Variants in MPDZ observed in about 807,000 individuals in gnomAD.
MPDZ encodes the protein multiple PDZ domain protein.
A neutral mutation model predicts 239.1 loss-of-function variants in MPDZ; 234 were observed. The observed-to-expected ratio is 0.98, with a 90% CI of 0.88 to 1.09. MPDZ has a LOEUF of 1.09. Among genes scored for constraint, MPDZ ranks in the 50% least tolerant of loss-of-function variants. The pLI, the probability that MPDZ is intolerant of heterozygous loss-of-function variation, is 0.00. For missense variants in MPDZ, 3,175 were observed against 2,510.0 expected, an observed-to-expected ratio of 1.26 and a Z score of -5.66; for synonymous variants, 1,048 against 881.3, an observed-to-expected ratio of 1.19 and a Z score of -3.35.
intron 10 of MPDZ, 32 bp from the exon 11 acceptor site, chr9:13,206,131 A>C (rs756234518): frequency 5.9e-6 from 9 of 1,536,086 alleles, no homozygotes; most frequent in Non-Finnish European, 7.9e-6. Context: ...AGCATGTTAC[A>C]TGTTAAATAA....
At chr9:13,255,033 C>G (rs1316257881) in intron 1 of MPDZ, among the ~76,000 whole-genome samples, 1 of 152,132 alleles carries the variant, frequency 6.6e-6, no homozygotes, top group Non-Finnish European at 1.5e-5. Context: ...ACAATAGAAC[C>G]TCTCAAATCC....
chr9:13,210,687 A>G (rs1957517207), intron 10 of MPDZ, among the ~76,000 whole-genome samples: 3 of 152,054 alleles, frequency 2.0e-5, no homozygotes, highest in Non-Finnish European at 4.4e-5. Context: ...TCATTTTGAA[A>G]CCTACTACAG....
chr9:13,203,075 T>C (rs1956580902), intron 12 of MPDZ, among the ~76,000 whole-genome samples: 1 of 152,174 alleles, frequency 6.6e-6, no homozygotes, highest in African/African-American at 2.4e-5. Flanking sequence ...GATATGCTAA[T>C]TACTCTGATC....
chr9:13,117,249 G>C (rs959650714), intron 39 of MPDZ, among the ~76,000 whole-genome samples: 1 of 152,098 alleles, frequency 6.6e-6, no homozygotes, highest in African/African-American at 2.4e-5. Flanking sequence ...AGCGACTACT[G>C]TATATATTTT....
rs565354726 is a variant in MPDZ, at chr9:13,185,130, A to G, written c.2481+1140T>C. On this transcript the variant is annotated intron_variant, in intron 18 of 46. Transcript: ENST00000319217. ...TGTAATTCGTTGTATATACTAAGCT[A>G]TCTAGTTTTGAAGTGCTAACATAAT... Among the ~76,000 whole-genome samples, 9 of 152,188 alleles carry G rather than the reference A, an allele frequency of 5.9e-5. No individual in the cohort carries two copies. In the South Asian group the frequency reaches 1.9e-3, roughly 31 times the overall value.
At position 13,235,823 on chromosome 9, in the gene MPDZ, A is replaced by G. The variant is rs923388649; in HGVS notation, c.184-11240T>C. ...AAGTTAAACTGTGAACTATAAAATT[A>G]AAGACAGAAAGCAAAGAACACTTAA... On this transcript the variant is annotated intron_variant, in intron 3 of 46. Transcript: ENST00000319217. Among the ~76,000 whole-genome samples, 3 of 152,174 alleles carry G rather than the reference A, an allele frequency of 2.0e-5. No homozygotes were observed. The East Asian group carries it at 5.8e-4, about 29-fold the overall frequency.
chr9:13,175,645 A>G, intron 21 of MPDZ, 107 bp downstream of exon 21: 1 of 1,162,180 alleles, frequency 8.6e-7, no homozygotes, highest in South Asian at 1.5e-5. Context: ...AATTTCTACC[A>G]TCTGTTCTCT....
intron 8 of MPDZ, among the ~76,000 whole-genome samples, chr9:13,218,052 G>A (rs907147612): frequency 2.0e-5 from 3 of 151,798 alleles, no homozygotes; most frequent in African/African-American, 7.2e-5. Flanking sequence ...AGAACCTTAA[G>A]AAGAGCACAA....
At chr9:13,273,656 T>A (rs938389197) in intron 1 of MPDZ, among the ~76,000 whole-genome samples, 2 of 152,202 alleles carry the variant, frequency 1.3e-5, no homozygotes, top group Admixed American at 6.5e-5. Context: ...GCCACATATG[T>A]AATTTTGTCT....
chr9:13,181,972 G>C (rs2134440661), intron 19 of MPDZ, among the ~76,000 whole-genome samples: 1 of 152,184 alleles, frequency 6.6e-6, no homozygotes, highest in Middle Eastern at 3.4e-3. Flanking sequence ...GAGAGGAGCA[G>C]CTGCTCCACT....
At chr9:13,254,234 T>C (rs551245782) in intron 1 of MPDZ, among the ~76,000 whole-genome samples, 48 of 152,198 alleles carry the variant, frequency 3.2e-4, no homozygotes, top group Non-Finnish European at 5.3e-4. Context: ...GTCAGAATTA[T>C]GTATATTAGA....
rs142888830 is a variant in MPDZ, at chr9:13,238,663, A to C, written c.183+8972T>G. 4.8e-3 allele frequency among the ~76,000 whole-genome samples: 732 copies of C among 151,842 alleles called. 4 individuals carry two copies. The highest frequency in any genetic ancestry group is 0.016 in the African/African-American group (649 of 41,394). On this transcript the variant is annotated intron_variant, in intron 3 of 46. Coordinates refer to ENST00000319217, the MANE Select transcript of MPDZ (RefSeq NM_001378778.1). ...AACAGTGCAACTAAACTTTAAGAAAACTCCACAAATTTTGATGCACTATCA... is the reference window on the plus strand; with the variant it reads ...AACAGTGCAACTAAACTTTAAGAAACCTCCACAAATTTTGATGCACTATCA...
intron 43 of MPDZ, 146 bp from the exon 44 acceptor site, chr9:13,110,886 AT>A: frequency 1.8e-6 from 1 of 547,410 alleles, no homozygotes; most frequent in Non-Finnish European, 3.2e-6. Flanking sequence ...GAAACCACTA[AT>A]TCCAAGAAGT....
chr9:13,205,592 T>C (rs551182669), intron 11 of MPDZ, among the ~76,000 whole-genome samples: 8 of 152,216 alleles, frequency 5.3e-5, no homozygotes, highest in East Asian at 1.9e-4. Context: ...AGTGAGAACA[T>C]TGCAATGACA....
chr9:13,156,197 C>T (rs1052989624), intron 24 of MPDZ, among the ~76,000 whole-genome samples: 2 of 152,090 alleles, frequency 1.3e-5, no homozygotes, highest in Non-Finnish European at 2.9e-5. Context: ...TATTATTAAC[C>T]TCATTTTACA....
intron 3 of MPDZ, among the ~76,000 whole-genome samples, chr9:13,235,304 T>C (rs1005930168): frequency 6.6e-6 from 1 of 152,168 alleles, no homozygotes; most frequent in Non-Finnish European, 1.5e-5. Context: ...AGCAATAAGT[T>C]ATAAGAAGGG....
At chr9:13,235,629 A>C (rs913304015) in intron 3 of MPDZ, among the ~76,000 whole-genome samples, 9 of 152,188 alleles carry the variant, frequency 5.9e-5, no homozygotes, top group African/African-American at 2.2e-4. Context: ...GTAGCCTTTG[A>C]CTATCATTTG....
chr9:13,266,197 CT>C (rs1971753125), intron 1 of MPDZ, among the ~76,000 whole-genome samples: 1 of 152,224 alleles, frequency 6.6e-6, no homozygotes, highest in Non-Finnish European at 1.5e-5. Flanking sequence ...CATGATTTCC[CT>C]TTGCTGAATG....
chr9:13,253,792 A>G (rs1968721980), intron 1 of MPDZ, among the ~76,000 whole-genome samples: 1 of 152,248 alleles, frequency 6.6e-6, no homozygotes, highest in Non-Finnish European at 1.5e-5. Context: ...GGTAAGAAGG[A>G]GTTCAGCACT....
Sources: allele counts gnomAD v4.1 joint callset (sites outside exome capture counted in the v4.1 genomes callset), GRCh38; gene constraint gnomAD v4.1.1; transcripts MANE v1.5; gene names NCBI Gene and HGNC (gene_info 2026-07-23, HGNC 2026-07-21).